The following ST8SIA6 variants were observed in gnomAD, a reference collection of about 807,000 sequenced individuals.
ST8SIA6 encodes the protein alpha-2,8-sialyltransferase 8F.
In ST8SIA6, 39 loss-of-function variants were observed where a neutral mutation model predicts 33.6. The observed-to-expected ratio is 1.16, with a 90% CI of 0.90 to 1.52. ST8SIA6 has a LOEUF of 1.52. Among genes scored for constraint, ST8SIA6 ranks in the 40% most tolerant of loss-of-function variants. The probability of loss-of-function intolerance (pLI) is 0.00; values close to 1 mark genes in which losing one functional copy is unlikely to be tolerated. For synonymous variants in ST8SIA6, 172 were observed against 167.2 expected, an observed-to-expected ratio of 1.03 and a Z score of -0.22; for missense variants, 441 against 443.8, an observed-to-expected ratio of 0.99 and a Z score of 0.06.
In ST8SIA6 at chr10:17,370,049, C is replaced by T. The variant is rs1479718679; in HGVS notation, c.291-10449G>A. ...CTCTGTCGCTGCAGTGGCATGATCT[C>T]GGCTCACTGCAAGCTCCGCCTCCTG... On this transcript the variant is annotated intron_variant, in intron 3 of 7. Transcript: ENST00000377602. Among the ~76,000 whole-genome samples the T allele has an allele frequency of 5.3e-5, 8 of 150,580 alleles. No homozygotes were observed. In the South Asian group the frequency reaches 6.3e-4, roughly 12 times the overall value.
chr10:17,367,236 A>G (rs946393830), intron 3 of ST8SIA6, among the ~76,000 whole-genome samples: 3 of 152,202 alleles, frequency 2.0e-5, no homozygotes, highest in Non-Finnish European at 4.4e-5. Context: ...ACAGTTCACC[A>G]TGGCTGGGGA....
intron 3 of ST8SIA6, among the ~76,000 whole-genome samples, chr10:17,367,531 C>T (rs1030275584): frequency 1.3e-5 from 2 of 152,062 alleles, no homozygotes; most frequent in African/African-American, 4.8e-5. Context: ...ATATCTGCAA[C>T]CTGCAAATAT....
chr10:17,385,517 A>G (rs1254224637), intron 3 of ST8SIA6, among the ~76,000 whole-genome samples: 3 of 150,878 alleles, frequency 2.0e-5, no homozygotes, highest in South Asian at 2.1e-4. Flanking sequence ...GTTTTATAGG[A>G]TTTAGGTAGG....
intron 3 of ST8SIA6, among the ~76,000 whole-genome samples, chr10:17,388,986 C>G (rs183923642): frequency 6.6e-6 from 1 of 152,234 alleles, no homozygotes; most frequent in African/African-American, 2.4e-5. Flanking sequence ...AACCTAAGAT[C>G]AGTACTTGAG....
chr10:17,438,211 G>C (rs1247975962), intron 2 of ST8SIA6, among the ~76,000 whole-genome samples: 2 of 152,182 alleles, frequency 1.3e-5, no homozygotes, highest in African/African-American at 4.8e-5. Flanking sequence ...CCTGGTTACA[G>C]GGACTTTTCC....
chr10:17,363,866 C>T (rs760091848), intron 3 of ST8SIA6, among the ~76,000 whole-genome samples: 7 of 152,254 alleles, frequency 4.6e-5, no homozygotes, highest in Non-Finnish European at 8.8e-5. Flanking sequence ...TGGGCTGGCT[C>T]ATACTCATTC....
intron 3 of ST8SIA6, among the ~76,000 whole-genome samples, chr10:17,361,347 A>C (rs1275422288): frequency 6.6e-6 from 1 of 152,096 alleles, no homozygotes; most frequent in Non-Finnish European, 1.5e-5. Flanking sequence ...GAATCCTTAA[A>C]ACATTAAAAG....
chr10:17,324,806 T>C (rs1202715721), intron 6 of ST8SIA6, among the ~76,000 whole-genome samples: 1 of 142,910 alleles, frequency 7.0e-6, no homozygotes, highest in Non-Finnish European at 1.5e-5. Context: ...GTATTATATA[T>C]GTACATGCAT....
chr10:17,420,417 TAAATAAATAA>T (rs1476028605), intron 2 of ST8SIA6, among the ~76,000 whole-genome samples: 1 of 151,874 alleles, frequency 6.6e-6, no homozygotes, highest in African/African-American at 2.4e-5. Flanking sequence ...GTCAAAAAAA[TAAATAAATAA>T]AAATAAATAA....
intron 5 of ST8SIA6, 81 bp from the exon 6 acceptor site, chr10:17,327,207 A>G: frequency 9.8e-7 from 1 of 1,021,776 alleles, no homozygotes; most frequent in South Asian, 1.5e-5. Flanking sequence ...TAGTAACTTA[A>G]CTCTTTATAC....
At chr10:17,415,431 T>C (rs955956428) in intron 2 of ST8SIA6, among the ~76,000 whole-genome samples, 2 of 152,184 alleles carry the variant, frequency 1.3e-5, no homozygotes, top group African/African-American at 2.4e-5. Flanking sequence ...AAGACTAGAA[T>C]TGATGACACA....
At chr10:17,343,682 C>T (rs145007384) in intron 4 of ST8SIA6, among the ~76,000 whole-genome samples, 1 of 152,134 alleles carries the variant, frequency 6.6e-6, no homozygotes, top group Non-Finnish European at 1.5e-5. Context: ...GACAGTCATC[C>T]ACAGAAACCA....
intron 2 of ST8SIA6, among the ~76,000 whole-genome samples, chr10:17,404,848 T>C (rs1588894020): frequency 6.6e-6 from 1 of 152,232 alleles, no homozygotes; most frequent in Non-Finnish European, 1.5e-5. Context: ...CATACTGTTT[T>C]AACGAGTGTC....
At chr10:17,323,701 T>C (rs1848036528) in intron 6 of ST8SIA6, among the ~76,000 whole-genome samples, 1 of 152,170 alleles carries the variant, frequency 6.6e-6, no homozygotes, top group South Asian at 2.1e-4. Context: ...ACAAATTTGA[T>C]AAATGCTTTC....
At chr10:17,415,839 C>T (rs35512633) in intron 2 of ST8SIA6, among the ~76,000 whole-genome samples, 17,620 of 139,984 alleles carry the variant, frequency 0.13, 1,271 homozygotes, top group African/African-American at 0.19. Context: ...AGACAGAATC[C>T]TGCTCTGTCA....
chr10:17,441,871 A>ATT (rs879696172), intron 2 of ST8SIA6, among the ~76,000 whole-genome samples: 39 of 144,738 alleles, frequency 2.7e-4, no homozygotes, highest in Admixed American at 6.9e-4. Context: ...ATATAAAACA[A>ATT]TTTTTTTTTT....
chr10:17,374,752 A>AAATATATATATATATATATAT (rs1849849506), intron 3 of ST8SIA6, among the ~76,000 whole-genome samples: 7 of 123,308 alleles, frequency 5.7e-5, no homozygotes, highest in East Asian at 2.9e-4. Flanking sequence ...ATAAATAATA[A>AAATATATATATATATATATAT]ATATATATAT....
At chr10:17,379,603 G>A (rs543542385) in intron 3 of ST8SIA6, among the ~76,000 whole-genome samples, 5 of 152,288 alleles carry the variant, frequency 3.3e-5, no homozygotes, top group East Asian at 3.9e-4. Flanking sequence ...GAATGCAACC[G>A]TTTGTCTCTC....
intron 2 of ST8SIA6, among the ~76,000 whole-genome samples, chr10:17,397,103 C>T (rs1345574549): frequency 6.6e-6 from 1 of 152,150 alleles, no homozygotes; most frequent in Non-Finnish European, 1.5e-5. Flanking sequence ...TGGTGTTCCC[C>T]CATACACTGC....
Sources: gnomAD v4.1 joint callset for allele counts (sites outside exome capture counted in the v4.1 genomes callset) on GRCh38, gnomAD v4.1.1 for gene constraint, MANE v1.5 for transcripts, NCBI Gene and HGNC (gene_info 2026-07-23, HGNC 2026-07-21) for gene names.